The following SPOP variants were observed in gnomAD, a reference collection of about 807,000 sequenced individuals.
The protein encoded by SPOP is speckle type BTB/POZ protein.
In SPOP, 11 loss-of-function variants were observed where a neutral mutation model predicts 45.6. The ratio of observed to expected loss-of-function variants is 0.24; its 90% CI spans 0.15 to 0.40. The LOEUF (loss-of-function observed/expected upper bound fraction) is 0.40, where lower values mean the gene tolerates loss of function less well. Ranked by LOEUF, SPOP falls within the 10% of genes least tolerant of loss-of-function variation. SPOP has a pLI of 1.00. For synonymous variants in SPOP, 166 were observed against 166.3 expected (o/e 1.00, Z 0.01); for missense variants, 152 against 465.6 (o/e 0.33, Z 6.20).
chr17:49,628,687 A>G (rs978170852), intron 1 of SPOP, among the ~76,000 whole-genome samples: 2 of 152,226 alleles, frequency 1.3e-5, no homozygotes, highest in African/African-American at 4.8e-5. Flanking sequence ...TATTCCAAAA[A>G]ATCTGGAAAA....
At chr17:49,643,932 G>GA (rs202083202) in intron 1 of SPOP, among the ~76,000 whole-genome samples, 6,387 of 98,280 alleles carry the variant, frequency 0.065, 479 homozygotes, top group African/African-American at 0.2. Flanking sequence ...CCGTCTCAAG[G>GA]AAAAAAAAAA....
intron 1 of SPOP, among the ~76,000 whole-genome samples, chr17:49,663,074 ACAGGGGTCC>A (rs1368061421): frequency 6.6e-6 from 1 of 152,232 alleles, no homozygotes; most frequent in East Asian, 1.9e-4. Context: ...GTGCCTTAGC[ACAGGGGTCC>A]CCAGCCCCAG....
rs1597923088 is a variant in SPOP, at chr17:49,619,202, C to T, written c.352+32G>A. The T allele has an allele frequency of 3.1e-6, 5 of 1,613,942 alleles. No individual in the cohort carries two copies. The highest frequency in any genetic ancestry group is 1.1e-5 in the South Asian group (1 of 91,064). ...GTGTATGAAACTTCTGGATGTGAAA[C>T]TTAAGAGTTGAACAAAGAGGAGAAC... is the stretch of plus-strand genomic sequence containing the variant. On this transcript the variant is annotated intron_variant, in intron 4 of 9. Transcript: ENST00000504102. The surrounding 1 kb of genome is among the most constrained non-coding windows in gnomAD (Gnocchi z 4.9).
chr17:49,634,624 C>T (rs967563615), intron 1 of SPOP, among the ~76,000 whole-genome samples: 1 of 152,154 alleles, frequency 6.6e-6, no homozygotes, highest in African/African-American at 2.4e-5. Context: ...GCAAGGAATT[C>T]AAAAACAGAA....
chr17:49,617,889 A>C (rs1597920994), intron 5 of SPOP, among the ~76,000 whole-genome samples: 1 of 147,674 alleles, frequency 6.8e-6, no homozygotes, highest in Non-Finnish European at 1.5e-5. Flanking sequence ...GCGCCACTGC[A>C]CTCTAGCCTG....
At chr17:49,672,488 C>T (rs984957688) in intron 1 of SPOP, among the ~76,000 whole-genome samples, 19 of 152,072 alleles carry the variant, frequency 1.2e-4, no homozygotes, top group Non-Finnish European at 2.5e-4. Flanking sequence ...TATGATGCAG[C>T]GAGGAGCAAA....
At chr17:49,666,185 T>A (rs576394636) in intron 1 of SPOP, among the ~76,000 whole-genome samples, 1 of 151,914 alleles carries the variant, frequency 6.6e-6, no homozygotes, top group East Asian at 1.9e-4. Flanking sequence ...TTAAGTGGCA[T>A]TAGAAAAGTT....
Position 49,638,983 on chromosome 17 carries a change from C to T in SPOP, c.-66-16107G>A, listed in dbSNP as rs1261703236. On this transcript the variant is annotated intron_variant, in intron 1 of 9. Transcript: ENST00000504102. ...AGCAGAGACTGAGCCAACAATCCCACGTAGTTCAGTTAATAATAGCAGGAG... is the reference window on the plus strand; with the variant it reads ...AGCAGAGACTGAGCCAACAATCCCATGTAGTTCAGTTAATAATAGCAGGAG... 2.6e-5 allele frequency among the ~76,000 whole-genome samples: 4 copies of T among 152,244 alleles called. No individual in the cohort carries two copies. The South Asian group carries it at 8.3e-4, about 32-fold the overall frequency.
At chr17:49,622,627 T>C (rs921035318) in intron 2 of SPOP, 106 bp downstream of exon 2, 39 of 950,272 alleles carry the variant, frequency 4.1e-5, no homozygotes, top group African/African-American at 3.8e-4. Flanking sequence ...TTGGCAGTTA[T>C]GTTCCAGAGA....
At chr17:49,645,881 T>C (rs558993886) in intron 1 of SPOP, among the ~76,000 whole-genome samples, 1 of 152,260 alleles carries the variant, frequency 6.6e-6, no homozygotes, top group East Asian at 1.9e-4. Context: ...TGTTGTTTTT[T>C]TTTCCTTCCA....
Sources: gnomAD v4.1 joint callset for allele counts (sites outside exome capture counted in the v4.1 genomes callset) on GRCh38, gnomAD v4.1.1 for gene constraint, Gnocchi (gnomAD v3.1) non-coding constraint, MANE v1.5 for transcripts, NCBI Gene and HGNC (gene_info 2026-07-23, HGNC 2026-07-21) for gene names.